The following JPH4 variants were observed in gnomAD, a reference collection of about 807,000 sequenced individuals.
JPH4 encodes the protein junctophilin 4.
JPH4 carries 18 observed loss-of-function variants against 57.6 expected under a neutral mutation model. The observed-to-expected ratio is 0.31, with a 90% CI of 0.22 to 0.46. The LOEUF is 0.46. Among genes scored for constraint, JPH4 ranks in the 20% least tolerant of loss-of-function variants. JPH4 has a pLI of 1.00. For missense variants in JPH4, 727 were observed against 911.1 expected, an observed-to-expected ratio of 0.80 and a Z score of 2.60; for synonymous variants, 425 against 406.6, an observed-to-expected ratio of 1.05 and a Z score of -0.54.
Position 23,569,405 on chromosome 14 carries a change from T to G in JPH4, c.*229A>C. The G allele has an allele frequency of 3.8e-6, 2 of 523,866 alleles. No individual in the cohort carries two copies. Among genetic ancestry groups the G allele is most frequent in the Non-Finnish European group, 6.9e-6 (2 of 291,186 alleles). 32.5% of individuals were successfully genotyped at this position (523,866 alleles called of 1,614,324 possible). On this transcript the variant is annotated 3_prime_UTR_variant, in exon 6 of 6. Coordinates refer to ENST00000356300, the MANE Select transcript of JPH4 (RefSeq NM_001146028.2). The surrounding 1 kb of genome is among the most constrained non-coding windows in gnomAD (Gnocchi z 4.8). ...AATCTAGAGAAAGAAGGGGTTGGGATGGGGAAGGGAGTGAGGAATACAGAG... is the reference window on the plus strand; with the variant it reads ...AATCTAGAGAAAGAAGGGGTTGGGAGGGGGAAGGGAGTGAGGAATACAGAG...
Position 23,575,201 on chromosome 14 carries a change from A to T in JPH4, c.1151+484T>A, listed in dbSNP as rs1889242736. 1 of 160,538 alleles carries T rather than the reference A, an allele frequency of 6.2e-6. No homozygotes were observed. Among genetic ancestry groups the T allele is most frequent in the African/African-American group, 2.4e-5 (1 of 41,752 alleles). 9.9% of individuals were successfully genotyped at this position (160,538 alleles called of 1,614,324 possible). On this transcript the variant is annotated intron_variant, in intron 3 of 5. Coordinates refer to ENST00000356300, the MANE Select transcript of JPH4 (RefSeq NM_001146028.2). The surrounding 1 kb of genome is among the most constrained non-coding windows in gnomAD (Gnocchi z 6.9). ...CAGCTGTATAAATTAGACTTCCCAA[A>T]GGCCCAAGGCTGAAATGGTGTCAGG... is the stretch of plus-strand genomic sequence containing the variant.
At chr14:23,572,843 C>T (rs1256064994) in intron 3 of JPH4, 4 of 702,376 alleles carry the variant, frequency 5.7e-6, no homozygotes, top group Admixed American at 2.0e-5. Flanking sequence ...CTTCCCTGCT[C>T]CTTAGGTGCA....
Position 23,577,779 on chromosome 14 carries a change from A to C in JPH4, c.-171-155T>G. 3 of 220,386 alleles carry C rather than the reference A, an allele frequency of 1.4e-5. No homozygotes were observed. The highest frequency in any genetic ancestry group is 1.7e-4 in the South Asian group (1 of 5,758). 13.7% of individuals were successfully genotyped at this position (220,386 alleles called of 1,614,324 possible). A position where few individuals can be genotyped will look rare whatever the true frequency, so the allele number is the denominator to read the frequency against. ...CCAGCAGCCCCCAAGCTTTGGGGGA[A>C]TGGGGGCTTCCCCCATTTCTGTCTT... is the stretch of plus-strand genomic sequence containing the variant. On this transcript the variant is annotated intron_variant, in intron 1 of 5. Coordinates refer to ENST00000356300, the MANE Select transcript of JPH4 (RefSeq NM_001146028.2). The surrounding 1 kb of genome is among the most constrained non-coding windows in gnomAD (Gnocchi z 8.4).
Position 23,576,575 on chromosome 14 carries a change from T to A in JPH4, c.380-119A>T. ...AGGCGGGAGAGATGGAGGCAGTTAG[T>A]GTGGAGGTCGGGGAAGGGCACTGGG... On this transcript the variant is annotated intron_variant, in intron 2 of 5. Coordinates refer to ENST00000356300, the MANE Select transcript of JPH4 (RefSeq NM_001146028.2). This position sits in a 1 kb window ranked among gnomAD's most constrained non-coding sequence, Gnocchi z 8.0. The A allele has an allele frequency of 1.1e-6, 1 of 874,904 alleles. No individual in the cohort carries two copies. The highest frequency in any genetic ancestry group is 1.5e-6 in the Non-Finnish European group (1 of 647,490). The allele number at this position is 874,904 out of a possible 1,614,324, so 54.2% of individuals were successfully genotyped here.
In JPH4 at chr14:23,571,563, C is replaced by T; in HGVS notation, c.1271-103G>A. On this transcript the variant is annotated intron_variant, in intron 4 of 5. Transcript: ENST00000356300. This position sits in a 1 kb window ranked among gnomAD's most constrained non-coding sequence, Gnocchi z 4.6. ...GCACTTCCCAGGACTTTGGAATTCC[C>T]AGGCTCATAGCCTCTCACCGCCAGA... 7.2e-7 allele frequency: 1 copy of T among 1,396,538 alleles called. No individual in the cohort carries two copies. The highest frequency in any genetic ancestry group is 9.7e-7 in the Non-Finnish European group (1 of 1,029,920). The allele number at this position is 1,396,538 out of a possible 1,614,324, so 86.5% of individuals were successfully genotyped here.
At chr14:23,570,178 G>A (rs1038442366) in intron 5 of JPH4, among the ~76,000 whole-genome samples, 1 of 150,744 alleles carries the variant, frequency 6.6e-6, no homozygotes. Flanking sequence ...CCGGGAGAGG[G>A]AGGGAGAGTC....
chr14:23,571,451 G>A lies in JPH4; in HGVS notation c.1280C>T (p.Pro427Leu), dbSNP rs779165579. The A allele has an allele frequency of 1.3e-6, 2 of 1,598,870 alleles. No homozygotes were observed. The highest frequency in any genetic ancestry group is 8.5e-7 in the Non-Finnish European group (1 of 1,179,576). The change falls in exon 5 of 6, where the codon CCC becomes CTC. Residue 427 changes from proline to leucine, a missense_variant. Coordinates refer to ENST00000356300, the MANE Select transcript of JPH4 (RefSeq NM_001146028.2). This position sits in a 1 kb window ranked among gnomAD's most constrained non-coding sequence, Gnocchi z 4.6. ...QPMLEAPGRR[P>L]RQDSEGSDTE... Reference sequence around the variant, plus strand: ...GTCGGAACCTTCTGAGTCCTGCCTGGGTCTGCGGCCTGGGTAGGGATAGCT... The same window carrying A: ...GTCGGAACCTTCTGAGTCCTGCCTGAGTCTGCGGCCTGGGTAGGGATAGCT...
Position 23,577,448 on chromosome 14 carries a change from G to A in JPH4, c.6C>T (p.Ser2=), listed in dbSNP as rs1350847203. The part of the protein sequence containing the change: M[S]PGGKFDFDDG... Reference sequence around the variant, plus strand: ...CGTCAAAGTCGAACTTGCCCCCGGGGGACATGCATGTAGTTGGCGCGGCCT... The same window carrying A: ...CGTCAAAGTCGAACTTGCCCCCGGGAGACATGCATGTAGTTGGCGCGGCCT... Residue 2 remains serine (S), a synonymous_variant, in exon 2 of 6, where the codon TCC becomes TCT. Transcript: ENST00000356300. This position sits in a 1 kb window ranked among gnomAD's most constrained non-coding sequence, Gnocchi z 8.4. 2 of 1,429,448 alleles carry A rather than the reference G, an allele frequency of 1.4e-6. No homozygotes were observed. The highest frequency in any genetic ancestry group is 1.8e-6 in the Non-Finnish European group (2 of 1,094,356). 88.5% of individuals were successfully genotyped at this position (1,429,448 alleles called of 1,614,324 possible). A position where few individuals can be genotyped will look rare whatever the true frequency, so the allele number is the denominator to read the frequency against.
chr14:23,578,396 T>C lies in JPH4; in HGVS notation c.-388A>G, dbSNP rs1889330748. The C allele has an allele frequency of 7.1e-6, 1 of 141,242 alleles. No homozygotes were observed. Among genetic ancestry groups the C allele is most frequent in the Admixed American group, 7.1e-5 (1 of 14,036 alleles). The allele number at this position is 141,242 out of a possible 1,614,324, so 8.7% of individuals were successfully genotyped here. A position where few individuals can be genotyped will look rare whatever the true frequency, so the allele number is the denominator to read the frequency against. ...AGGTAGTGGCAAGGGTGGGGGAAGA[T>C]GAGAATAGTGTAGGGGAAAAAATCT... On this transcript the variant is annotated 5_prime_UTR_variant, in exon 1 of 6. Transcript: ENST00000356300.
rs1206511191 is a variant in JPH4 at position 23,568,227 on chromosome 14, T to C, written c.*1407A>G. 1 of 985,576 alleles carries C rather than the reference T, an allele frequency of 1.0e-6. No homozygotes were observed. Among genetic ancestry groups the C allele is most frequent in the Non-Finnish European group, 1.2e-6 (1 of 829,880 alleles). The allele number at this position is 985,576 out of a possible 1,614,324, so 61.1% of individuals were successfully genotyped here. On this transcript the variant is annotated 3_prime_UTR_variant, in exon 6 of 6. Coordinates refer to ENST00000356300, the MANE Select transcript of JPH4 (RefSeq NM_001146028.2). ...GCCAAGGAATAAACAAGAGTTTGACTAGAAAAAAAGAAGAGGGTATGTGTG... is the reference window on the plus strand; with the variant it reads ...GCCAAGGAATAAACAAGAGTTTGACCAGAAAAAAAGAAGAGGGTATGTGTG...
In JPH4 at chr14:23,576,993, G is replaced by A; in HGVS notation, c.379+82C>T. The A allele has an allele frequency of 7.1e-7, 1 of 1,412,790 alleles. No individual in the cohort carries two copies. The highest frequency in any genetic ancestry group is 1.9e-4 in the Middle Eastern group (1 of 5,368). The allele number at this position is 1,412,790 out of a possible 1,614,324, so 87.5% of individuals were successfully genotyped here. A position where few individuals can be genotyped will look rare whatever the true frequency, so the allele number is the denominator to read the frequency against. ...GGGGGAAAGAAGGATGGGCGCAAGG[G>A]CGCAAATGGCGGGCGAAGGCCCAAG... is the stretch of plus-strand genomic sequence containing the variant. On this transcript the variant is annotated intron_variant, in intron 2 of 5. Transcript: ENST00000356300. This position sits in a 1 kb window ranked among gnomAD's most constrained non-coding sequence, Gnocchi z 8.0.
Position 23,576,984 on chromosome 14 carries a change from G to C in JPH4, c.379+91C>G. On this transcript the variant is annotated intron_variant, in intron 2 of 5. Coordinates refer to ENST00000356300, the MANE Select transcript of JPH4 (RefSeq NM_001146028.2). This position sits in a 1 kb window ranked among gnomAD's most constrained non-coding sequence, Gnocchi z 8.0. Reference sequence around the variant, plus strand: ...AATGGTGGCGGGGGAAAGAAGGATGGGCGCAAGGGCGCAAATGGCGGGCGA... The same window carrying C: ...AATGGTGGCGGGGGAAAGAAGGATGCGCGCAAGGGCGCAAATGGCGGGCGA... The C allele has an allele frequency of 7.3e-7, 1 of 1,375,600 alleles. No individual in the cohort carries two copies. Among genetic ancestry groups the C allele is most frequent in the Non-Finnish European group, 9.5e-7 (1 of 1,055,324 alleles). The allele number at this position is 1,375,600 out of a possible 1,614,324, so 85.2% of individuals were successfully genotyped here.
Position 23,571,300 on chromosome 14 carries a change from C to T in JPH4, c.1431G>A (p.Arg477=), listed in dbSNP as rs1270273078. Reference sequence around the variant, plus strand: ...GGTCCCCTCCAGGAGGCAGTGGGCTCCGGCAGGCAGGGGGTCGCCAGGGTT... The same window carrying T: ...GGTCCCCTCCAGGAGGCAGTGGGCTTCGGCAGGCAGGGGGTCGCCAGGGTT... ...SRQPWRPPAC[R]SPLPPGGDQG... The change falls in exon 5 of 6, where the codon CGG becomes CGA. Residue 477 remains arginine (R), a synonymous_variant. Transcript: ENST00000356300. The surrounding 1 kb of genome is among the most constrained non-coding windows in gnomAD (Gnocchi z 4.6). 1.3e-6 allele frequency: 2 copies of T among 1,597,048 alleles called. No individual in the cohort carries two copies. The highest frequency in any genetic ancestry group is 1.7e-6 in the Non-Finnish European group (2 of 1,171,696).
chr14:23,577,639 G>T lies in JPH4; in HGVS notation c.-171-15C>A. The T allele has an allele frequency of 2.3e-6, 1 of 440,520 alleles. No homozygotes were observed. The highest frequency in any genetic ancestry group is 3.9e-6 in the Non-Finnish European group (1 of 254,668). The allele number at this position is 440,520 out of a possible 1,614,324, so 27.3% of individuals were successfully genotyped here. On this transcript the variant is annotated splice_polypyrimidine_tract_variant and intron_variant, in intron 1 of 5. Coordinates refer to ENST00000356300, the MANE Select transcript of JPH4 (RefSeq NM_001146028.2). This position sits in a 1 kb window ranked among gnomAD's most constrained non-coding sequence, Gnocchi z 8.4. The stretch of plus-strand genomic sequence containing the variant: ...ATCCTGAGTGGCTGCGGAGAAAGAG[G>T]GAGGGGGGCAAGTGGCGAGAGAGGC...
Position 23,569,266 on chromosome 14 carries a change from C to T in JPH4, c.*368G>A, listed in dbSNP as rs888395489. The T allele has an allele frequency of 1.8e-5, 5 of 285,566 alleles. No individual in the cohort carries two copies. Among genetic ancestry groups the T allele is most frequent in the Admixed American group, 5.1e-5 (1 of 19,526 alleles). 17.7% of individuals were successfully genotyped at this position (285,566 alleles called of 1,614,324 possible). On this transcript the variant is annotated 3_prime_UTR_variant, in exon 6 of 6. Transcript: ENST00000356300. This position sits in a 1 kb window ranked among gnomAD's most constrained non-coding sequence, Gnocchi z 4.8. ...TAGGACACCAAACCCCCACCCGCAGCGAAGTTGAGGTCTAAAGAAAAGGTG... is the reference window on the plus strand; with the variant it reads ...TAGGACACCAAACCCCCACCCGCAGTGAAGTTGAGGTCTAAAGAAAAGGTG...
chr14:23,575,537 G>T lies in JPH4; in HGVS notation c.1151+148C>A. 1 of 969,150 alleles carries T rather than the reference G, an allele frequency of 1.0e-6. No homozygotes were observed. Among genetic ancestry groups the T allele is most frequent in the Non-Finnish European group, 1.5e-6 (1 of 661,474 alleles). The allele number at this position is 969,150 out of a possible 1,614,324, so 60.0% of individuals were successfully genotyped here. ...AGCCTCGGATATAAACACCAAGAAT[G>T]CCCAGGGGTCCAACTGCCTGGCCTT... On this transcript the variant is annotated intron_variant, in intron 3 of 5. Coordinates refer to ENST00000356300, the MANE Select transcript of JPH4 (RefSeq NM_001146028.2). The surrounding 1 kb of genome is among the most constrained non-coding windows in gnomAD (Gnocchi z 6.9).
In JPH4 at chr14:23,569,299, G is replaced by A. The variant is rs1039308823; in HGVS notation, c.*335C>T. 6 of 322,516 alleles carry A rather than the reference G, an allele frequency of 1.9e-5. No individual in the cohort carries two copies. Among genetic ancestry groups the A allele is most frequent in the African/African-American group, 4.5e-5 (2 of 44,798 alleles). 20.0% of individuals were successfully genotyped at this position (322,516 alleles called of 1,614,324 possible). The stretch of plus-strand genomic sequence containing the variant: ...AGGTCTAAAGAAAAGGTGGGAGGGC[G>A]TGGAGCAATGGTCTGACTTAGATTT... On this transcript the variant is annotated 3_prime_UTR_variant, in exon 6 of 6. Transcript: ENST00000356300. The surrounding 1 kb of genome is among the most constrained non-coding windows in gnomAD (Gnocchi z 4.8).
Position 23,569,729 on chromosome 14 carries a change from GA to G in JPH4, c.1804-13del, listed in dbSNP as rs1889042828. ...GGGTTGGCAGCTCCCTAGAGAGACAGAGGGGGAAGCAGACTCAGTCCCCGAG... is the reference window on the plus strand; with the variant it reads ...GGGTTGGCAGCTCCCTAGAGAGACAGGGGGGAAGCAGACTCAGTCCCCGAG... On this transcript the variant is annotated splice_polypyrimidine_tract_variant and intron_variant, in intron 5 of 5. Transcript: ENST00000356300. This position sits in a 1 kb window ranked among gnomAD's most constrained non-coding sequence, Gnocchi z 4.8. 6.5e-7 allele frequency: 1 copy of G among 1,538,828 alleles called. No homozygotes were observed. The highest frequency in any genetic ancestry group is 8.8e-7 in the Non-Finnish European group (1 of 1,137,500).
Position 23,571,387 on chromosome 14 carries a change from C to G in JPH4, c.1344G>C (p.Glu448Asp), listed in dbSNP as rs1247996063. 1 of 1,600,386 alleles carries G rather than the reference C, an allele frequency of 6.2e-7. No homozygotes were observed. Among genetic ancestry groups the G allele is most frequent in the Admixed American group, 1.7e-5 (1 of 59,888 alleles). Residue 448 changes from glutamate to aspartate, a missense_variant, in exon 5 of 6, where the codon GAG becomes GAC. By Grantham distance (45) the Glu-to-Asp change is conservative. This residue lies in a region of JPH4 where 293 missense variants were observed against 279.8 expected (regional missense o/e 1.05). Coordinates refer to ENST00000356300, the MANE Select transcript of JPH4 (RefSeq NM_001146028.2). The surrounding 1 kb of genome is among the most constrained non-coding windows in gnomAD (Gnocchi z 4.6). ...ATCCCTCTGAGGGGGTCAGTCCGTT[C>G]TCATATACCCCAGGGCTGTCCTCAT... ...PLDEDSPGVYENGLTPSEGSP... is the reference protein window; with the variant it reads ...PLDEDSPGVYDNGLTPSEGSP...
Sources: gnomAD v4.1 joint callset for allele counts (sites outside exome capture counted in the v4.1 genomes callset) on GRCh38, gnomAD v4.1.1 for gene constraint, gnomAD v4.1.1 regional missense constraint, Gnocchi (gnomAD v3.1) non-coding constraint, MANE v1.5 for transcripts, NCBI Gene and HGNC (gene_info 2026-07-23, HGNC 2026-07-21) for gene names.